KCNH1: variants seen among roughly 807,000 people sequenced by gnomAD.
KCNH1 encodes potassium voltage-gated channel subfamily H member 1.
KCNH1 carries 27 observed loss-of-function variants against 69.2 expected under a neutral mutation model. The ratio of observed to expected loss-of-function variants is 0.39; its 90% confidence interval spans 0.29 to 0.54. KCNH1 has a LOEUF of 0.54. KCNH1 is among the 20% of genes least tolerant of loss of function. The pLI is 0.68. For missense variants in KCNH1, 798 were observed against 1,261.6 expected (o/e 0.63, Z 5.57); for synonymous variants, 456 against 487.7 (o/e 0.93, Z 0.86).
intron 10 of KCNH1, among the ~76,000 whole-genome samples, chr1:210,762,807 G>A (rs1196746027): frequency 6.6e-6 from 1 of 151,946 alleles, no homozygotes; most frequent in Non-Finnish European, 1.5e-5. Flanking sequence ...AAGAAAAGCT[G>A]GTTCCAATCC....
At chr1:210,809,133 G>T (rs1459670494) in intron 7 of KCNH1, among the ~76,000 whole-genome samples, 1 of 150,040 alleles carries the variant, frequency 6.7e-6, no homozygotes, top group Non-Finnish European at 1.5e-5. Flanking sequence ...GTATTCTCCA[G>T]CCCTTAATTA....
intron 7 of KCNH1, among the ~76,000 whole-genome samples, chr1:210,856,027 T>G (rs1685827331): frequency 6.6e-6 from 1 of 152,178 alleles, no homozygotes; most frequent in Non-Finnish European, 1.5e-5. Flanking sequence ...GCTGTATATG[T>G]TACTTTGTCT....
intron 10 of KCNH1, among the ~76,000 whole-genome samples, chr1:210,684,759 C>A (rs1463387695): frequency 6.6e-6 from 1 of 152,186 alleles, no homozygotes; most frequent in African/African-American, 2.4e-5. Context: ...GGGGAGCTTA[C>A]AGTAGACTAA....
chr1:210,971,540 A>T (rs1268238449), intron 6 of KCNH1, among the ~76,000 whole-genome samples: 2 of 152,184 alleles, frequency 1.3e-5, no homozygotes, highest in African/African-American at 4.8e-5. Context: ...GCATTTTACT[A>T]TTATCGATGC....
At chr1:210,719,680 C>A (rs1264785189) in intron 10 of KCNH1, among the ~76,000 whole-genome samples, 1 of 152,004 alleles carries the variant, frequency 6.6e-6, no homozygotes, top group Non-Finnish European at 1.5e-5. Flanking sequence ...ACTACACATT[C>A]TGCACATGTA....
chr1:210,899,463 G>T (rs1168326308), intron 7 of KCNH1, among the ~76,000 whole-genome samples: 1 of 149,384 alleles, frequency 6.7e-6, no homozygotes, highest in Non-Finnish European at 1.5e-5. Context: ...AAAACAATAT[G>T]TATTGAGATA....
chr1:210,966,939 C>A (rs192623039), intron 6 of KCNH1, among the ~76,000 whole-genome samples: 1 of 152,266 alleles, frequency 6.6e-6, no homozygotes, highest in East Asian at 1.9e-4. Context: ...TGGCACTGTT[C>A]ACAATAGCAA....
intron 7 of KCNH1, among the ~76,000 whole-genome samples, chr1:210,836,178 T>C (rs74156840): frequency 6.7e-6 from 1 of 148,988 alleles, no homozygotes; most frequent in Non-Finnish European, 1.5e-5. Context: ...ATAAGATAAA[T>C]ACATTTTGAA....
chr1:211,042,950 T>C (rs1238403027), intron 5 of KCNH1, among the ~76,000 whole-genome samples: 2 of 152,126 alleles, frequency 1.3e-5, no homozygotes, highest in South Asian at 2.1e-4. Flanking sequence ...ACCTGTGGGA[T>C]GCAGCAAAGG....
chr1:210,961,237 T>C lies in KCNH1; in HGVS notation c.1033-41168A>G, dbSNP rs897671399. On this transcript the variant is annotated intron_variant, in intron 6 of 10. Transcript: ENST00000271751. ...ATTTTGGCTAAAAGTTTTCATTAGA[T>C]ACACGACTTGCAAATTTTTTTTTTT... 2.0e-5 allele frequency among the ~76,000 whole-genome samples: 3 copies of C among 152,114 alleles called. No individual in the cohort carries two copies. The South Asian group carries it at 6.2e-4, about 31-fold the overall frequency.
chr1:210,695,789 G>A (rs372978877), intron 10 of KCNH1, among the ~76,000 whole-genome samples: 28 of 152,354 alleles, frequency 1.8e-4, no homozygotes, highest in East Asian at 9.6e-4. Context: ...GCCCCAGGAT[G>A]TGTGCATCAG....
Position 210,775,480 on chromosome 1 carries a change from A to G in KCNH1, c.1980T>C (p.Asn660=), listed in dbSNP as rs1392813705. Residue 660 remains asparagine (N), a synonymous_variant, in exon 10 of 11, where the codon AAT becomes AAC. Coordinates refer to ENST00000271751, the MANE Select transcript of KCNH1 (RefSeq NM_172362.3). ...KEATLAQSCA[N]VRALTYCDLH... ...GATCACAGTAGGTCAAGGCCCTAACATTGGCACAGGACTGGGCAAGGGTGG... is the reference window on the plus strand; with the variant it reads ...GATCACAGTAGGTCAAGGCCCTAACGTTGGCACAGGACTGGGCAAGGGTGG... The G allele has an allele frequency of 1.2e-6, 2 of 1,614,082 alleles. No homozygotes were observed. The highest frequency in any genetic ancestry group is 1.7e-5 in the Admixed American group (1 of 60,012).
intron 10 of KCNH1, among the ~76,000 whole-genome samples, chr1:210,689,421 G>A (rs909868352): frequency 6.6e-6 from 1 of 152,210 alleles, no homozygotes; most frequent in Non-Finnish European, 1.5e-5. Context: ...GGCCTAGGAG[G>A]GGAATGGACT....
intron 1 of KCNH1, among the ~76,000 whole-genome samples, chr1:211,114,481 A>C (rs1289906117): frequency 6.6e-6 from 1 of 152,250 alleles, no homozygotes; most frequent in Non-Finnish European, 1.5e-5. Flanking sequence ...TGTATGTCTG[A>C]GTAAATTTGC....
At chr1:210,705,693 T>C (rs1681893454) in intron 10 of KCNH1, among the ~76,000 whole-genome samples, 4 of 152,308 alleles carry the variant, frequency 2.6e-5, no homozygotes, top group African/African-American at 7.2e-5. Context: ...GGTCTCCTGA[T>C]CTCTCCTTGG....
At chr1:210,892,052 G>A (rs929223672) in intron 7 of KCNH1, among the ~76,000 whole-genome samples, 3 of 151,958 alleles carry the variant, frequency 2.0e-5, no homozygotes, top group African/African-American at 7.3e-5. Flanking sequence ...TCACACACTG[G>A]GGCCTGTCAG....
At chr1:210,726,044 A>G (rs1682582192) in intron 10 of KCNH1, among the ~76,000 whole-genome samples, 1 of 152,186 alleles carries the variant, frequency 6.6e-6, no homozygotes, top group Non-Finnish European at 1.5e-5. Context: ...TTTGGCAGAT[A>G]GAAAGTGTAT....
At chr1:210,946,725 C>T (rs866681997) in intron 6 of KCNH1, among the ~76,000 whole-genome samples, 2 of 152,218 alleles carry the variant, frequency 1.3e-5, no homozygotes, top group South Asian at 4.1e-4. Flanking sequence ...CGTGTTCTCA[C>T]ACACCCGCAC....
At chr1:210,689,333 C>G (rs114127274) in intron 10 of KCNH1, among the ~76,000 whole-genome samples, 2,576 of 152,300 alleles carry the variant, frequency 0.017, 35 homozygotes, top group Middle Eastern at 0.031. Context: ...CTAACCTGTT[C>G]TCCCCTTGGC....
Sources: gnomAD v4.1 joint callset for allele counts (sites outside exome capture counted in the v4.1 genomes callset) on GRCh38, gnomAD v4.1.1 for gene constraint, MANE v1.5 for transcripts, NCBI Gene and HGNC (gene_info 2026-07-23, HGNC 2026-07-21) for gene names.